Variants in NCOA1 observed in about 807,000 individuals in gnomAD.
NCOA1 encodes the protein Hin-2 protein.
A neutral mutation model predicts 150.9 loss-of-function variants in NCOA1; 35 were observed. That is an observed-to-expected ratio of 0.23 (90% confidence interval 0.18 to 0.31). The LOEUF (loss-of-function observed/expected upper bound fraction) is 0.31, where lower values mean the gene tolerates loss of function less well. Ranked by LOEUF, NCOA1 falls within the 10% of genes least tolerant of loss-of-function variation. NCOA1 has a pLI of 1.00. For missense variants in NCOA1, 1,491 were observed against 1,749.3 expected (o/e 0.85, Z 2.63); for synonymous variants, 590 against 630.0 (o/e 0.94, Z 0.95).
chr2:24,526,425 A>G (rs897732829), intron 1 of NCOA1, among the ~76,000 whole-genome samples: 4 of 152,098 alleles, frequency 2.6e-5, no homozygotes, highest in Admixed American at 2.6e-4. Context: ...AAAATGGTGT[A>G]GTAACATGAG....
intron 17 of NCOA1, among the ~76,000 whole-genome samples, chr2:24,733,514 C>T (rs757345869): frequency 1.9e-4 from 28 of 150,728 alleles, no homozygotes; most frequent in Non-Finnish European, 3.1e-4. Flanking sequence ...GAGGCCGAGG[C>T]GGGTGGGTTG....
chr2:24,669,102 A>G (rs541225178), intron 6 of NCOA1, among the ~76,000 whole-genome samples: 1 of 152,294 alleles, frequency 6.6e-6, no homozygotes, highest in South Asian at 2.1e-4. Context: ...TTTACCTTTC[A>G]TGGTAGCATG....
At chr2:24,501,185 G>A (rs1663445863) in intron 1 of NCOA1, among the ~76,000 whole-genome samples, 1 of 152,174 alleles carries the variant, frequency 6.6e-6, no homozygotes, top group Non-Finnish European at 1.5e-5. Flanking sequence ...ATTGGAAATT[G>A]AATATCATGT....
chr2:24,496,509 C>G (rs1251543244), intron 1 of NCOA1, among the ~76,000 whole-genome samples: 1 of 152,158 alleles, frequency 6.6e-6, no homozygotes, highest in African/African-American at 2.4e-5. Flanking sequence ...GGTATGTTTT[C>G]AAGAAAGCTT....
intron 3 of NCOA1, among the ~76,000 whole-genome samples, chr2:24,634,467 C>G (rs1669843535): frequency 6.6e-6 from 1 of 152,154 alleles, no homozygotes; most frequent in African/African-American, 2.4e-5. Flanking sequence ...ATTATAGGTA[C>G]TCTTCTATCA....
chr2:24,751,931 G>A (rs749444766), intron 19 of NCOA1, 51 bp from the exon 20 acceptor site: 8 of 1,494,800 alleles, frequency 5.4e-6, no homozygotes, highest in Non-Finnish European at 7.3e-6. Flanking sequence ...CATTTATGGG[G>A]TTAATAAATT....
rs1395927832 is a variant in NCOA1, at chr2:24,665,907, T to A, written c.248T>A (p.Met83Lys). 2 of 1,464,124 alleles carry A rather than the reference T, an allele frequency of 1.4e-6. No individual in the cohort carries two copies. Among genetic ancestry groups the A allele is most frequent in the Admixed American group, 2.3e-5 (1 of 42,868 alleles). 90.7% of individuals were successfully genotyped at this position (1,464,124 alleles called of 1,614,324 possible). A position where few individuals can be genotyped will look rare whatever the true frequency, so the allele number is the denominator to read the frequency against. ...GATCAGATACAGCTAATGAAGAGAA[T>A]GGAACAAGGTAAAAAAGAAAAAGAA... ...TVDQIQLMKRMEQEKSTTDDD... is the reference protein window; with the variant it reads ...TVDQIQLMKRKEQEKSTTDDD... Residue 83 changes from methionine (M) to lysine (K), a missense_variant, in exon 6 of 23, where the codon ATG becomes AAG. Physicochemically the swap from Met to Lys is moderately conservative, Grantham distance 95 (BLOSUM62 -1). This residue lies in a region of NCOA1 where 80 missense variants were observed against 163.0 expected (regional missense o/e 0.49). Transcript: ENST00000348332.
intron 3 of NCOA1, among the ~76,000 whole-genome samples, chr2:24,601,740 C>T (rs1223785421): frequency 1.3e-5 from 2 of 151,892 alleles, no homozygotes; most frequent in Admixed American, 1.3e-4. Context: ...TCAAGCAATT[C>T]TCCTGCCTCA....
At chr2:24,765,226 G>A (rs960703746) in intron 22 of NCOA1, among the ~76,000 whole-genome samples, 5 of 151,816 alleles carry the variant, frequency 3.3e-5, no homozygotes, top group African/African-American at 2.4e-5. Context: ...CTGGGGAGCC[G>A]GGTGCGGTGG....
At position 24,658,611 on chromosome 2, in the gene NCOA1, G is replaced by A. The variant is rs746606260; in HGVS notation, c.-17-50G>A. On this transcript the variant is annotated intron_variant, in intron 4 of 22. Transcript: ENST00000348332. The stretch of plus-strand genomic sequence containing the variant: ...AGGGGAGCTTCCCTACCTTTATTTG[G>A]TTGGAAAGGTCATAAGGGTAGATTT... 8.6e-6 allele frequency: 12 copies of A among 1,397,404 alleles called. No individual in the cohort carries two copies. The Admixed American group carries it at 1.7e-4, about 20-fold the overall frequency. 86.6% of individuals were successfully genotyped at this position (1,397,404 alleles called of 1,614,324 possible).
intron 11 of NCOA1, among the ~76,000 whole-genome samples, chr2:24,700,173 ATAATAATAG>A (rs1336069816): frequency 6.7e-6 from 1 of 149,102 alleles, no homozygotes; most frequent in East Asian, 1.9e-4. Context: ...AATAATAATA[ATAATAATAG>A]TAATAATGCT....
In NCOA1 at chr2:24,657,392, T is replaced by A. The variant is rs560969250; in HGVS notation, c.-17-1269T>A. The stretch of plus-strand genomic sequence containing the variant: ...AAGAGACAATCTTGTTAAGGAAAAA[T>A]TAGCAGGATCTGAATGCCAGTTAGA... On this transcript the variant is annotated intron_variant, in intron 4 of 22. Transcript: ENST00000348332. Among the ~76,000 whole-genome samples the A allele has an allele frequency of 3.2e-4, 48 of 152,254 alleles. 1 individual carries two copies. The South Asian group carries it at 1.0e-2, about 32-fold the overall frequency.
At chr2:24,611,415 A>G (rs1172500505) in intron 3 of NCOA1, among the ~76,000 whole-genome samples, 1 of 152,188 alleles carries the variant, frequency 6.6e-6, no homozygotes, top group Non-Finnish European at 1.5e-5. Context: ...GTAAGAGTAC[A>G]TGTGTCTTTT....
chr2:24,542,701 A>G (rs1665449582), intron 1 of NCOA1, among the ~76,000 whole-genome samples: 1 of 152,186 alleles, frequency 6.6e-6, no homozygotes, highest in Non-Finnish European at 1.5e-5. Flanking sequence ...TGTAACCTCA[A>G]TTTTATACCT....
At chr2:24,647,765 A>G (rs1243162872) in intron 4 of NCOA1, among the ~76,000 whole-genome samples, 1 of 152,132 alleles carries the variant, frequency 6.6e-6, no homozygotes, top group African/African-American at 2.4e-5. Context: ...ATTTGTTACT[A>G]TTGACTTTAT....
Position 24,658,697 on chromosome 2 carries a change from G to A in NCOA1, c.20G>A (p.Ser7Asn). 6.2e-7 allele frequency: 1 copy of A among 1,614,062 alleles called. No individual in the cohort carries two copies. Among genetic ancestry groups the A allele is most frequent in the Non-Finnish European group, 8.5e-7 (1 of 1,179,954 alleles). Residue 7 changes from serine to asparagine, a missense_variant, in exon 5 of 23, where the codon AGT becomes AAT. Around this residue, in one of 8 missense-constraint regions of NCOA1, gnomAD observed 40 missense variants for 39.6 expected, o/e 1.01. Transcript: ENST00000348332. MSGLGDSSSDPANPDSH... is the reference protein window; with the variant it reads MSGLGDNSSDPANPDSH... The stretch of plus-strand genomic sequence containing the variant: ...TTCAACATGAGTGGCCTCGGGGACA[G>A]TTCATCCGACCCTGCTAACCCAGAC...
chr2:24,659,700 G>A (rs1339982589), intron 5 of NCOA1, among the ~76,000 whole-genome samples: 2 of 152,116 alleles, frequency 1.3e-5, no homozygotes, highest in Admixed American at 6.6e-5. Context: ...AGGATTTAGA[G>A]GAAAGTTTTT....
chr2:24,674,147 G>A (rs1007321929), intron 7 of NCOA1, among the ~76,000 whole-genome samples: 2 of 146,960 alleles, frequency 1.4e-5, no homozygotes, highest in African/African-American at 4.9e-5. Flanking sequence ...GTGTGTGTGT[G>A]TGTGTATATA....
intron 1 of NCOA1, among the ~76,000 whole-genome samples, chr2:24,538,888 A>T (rs1288276460): frequency 2.0e-5 from 3 of 152,176 alleles, no homozygotes; most frequent in South Asian, 2.1e-4. Flanking sequence ...TTAAAAAGGG[A>T]TGTAACATGA....
Sources: gnomAD v4.1 joint callset for allele counts (sites outside exome capture counted in the v4.1 genomes callset) on GRCh38, gnomAD v4.1.1 for gene constraint, gnomAD v4.1.1 regional missense constraint, MANE v1.5 for transcripts, NCBI Gene and HGNC (gene_info 2026-07-23, HGNC 2026-07-21) for gene names.